Variants in ECD observed in about 807,000 individuals in gnomAD.
ECD encodes the protein ecdysoneless cell cycle regulator, also known as protein ecdysoneless homolog.
ECD carries 59 observed loss-of-function variants against 77.2 expected under a neutral mutation model. That is an observed-to-expected ratio of 0.76 (90% confidence interval 0.62 to 0.95). The LOEUF (loss-of-function observed/expected upper bound fraction) is 0.95. Ranked by LOEUF, ECD falls within the 40% of genes least tolerant of loss-of-function variation. ECD has a pLI of 0.00. For missense variants in ECD, 704 were observed against 763.4 expected, an observed-to-expected ratio of 0.92 and a Z score of 0.92; for synonymous variants, 233 against 267.4, an observed-to-expected ratio of 0.87 and a Z score of 1.26.
intron 7 of ECD, 44 bp downstream of exon 7, chr10:73,152,249 A>G (rs766482900): frequency 1.3e-6 from 2 of 1,599,708 alleles, no homozygotes; most frequent in Admixed American, 3.4e-5. Flanking sequence ...TTAAGAGTCC[A>G]TTTACATAAA....
At chr10:73,150,789 C>G (rs1353489926) in intron 7 of ECD, among the ~76,000 whole-genome samples, 3 of 152,130 alleles carry the variant, frequency 2.0e-5, no homozygotes, top group East Asian at 1.9e-4. Context: ...CATCATCACT[C>G]GCCATCAGAG....
intron 7 of ECD, among the ~76,000 whole-genome samples, chr10:73,148,819 C>A (rs1254965237): frequency 2.0e-5 from 3 of 152,186 alleles, no homozygotes; most frequent in Non-Finnish European, 4.4e-5. Flanking sequence ...TTTTAAAAGT[C>A]CTTTGATTAA....
In ECD at chr10:73,156,154, CAAAG is replaced by C. The variant is rs1843292329; in HGVS notation, c.590+117_590+120del. ...ATCTAGGTGAAAGGTATTTTATAGT[CAAAG>C]AAAGACTGATCAACTCCAACAGAGC... On this transcript the variant is annotated intron_variant, in intron 5 of 13. Transcript: ENST00000372979. 8 of 830,246 alleles carry C rather than the reference CAAAG, an allele frequency of 9.6e-6. No individual in the cohort carries two copies. The South Asian group carries it at 1.1e-4, about 11-fold the overall frequency. 51.4% of individuals were successfully genotyped at this position (830,246 alleles called of 1,614,324 possible).
Position 73,163,767 on chromosome 10 carries a change from A to T in ECD, c.171T>A (p.Asn57Lys). ...GTTTATATTTAAGATTGAAAGGCTGATTCTGCCAGATGTAGGGGACCAGCA... is the reference window on the plus strand; with the variant it reads ...GTTTATATTTAAGATTGAAAGGCTGTTTCTGCCAGATGTAGGGGACCAGCA... ...APMLVPYIWQ[N>K]QPFNLKYKPG... is the part of the protein sequence containing the mutation. The change falls in exon 2 of 14, where the codon AAT becomes AAA. Residue 57 changes from asparagine to lysine, a missense_variant. By Grantham distance (94) the Asn-to-Lys change is moderately conservative. Coordinates refer to ENST00000372979, the MANE Select transcript of ECD (RefSeq NM_007265.3). 1 of 1,614,132 alleles carries T rather than the reference A, an allele frequency of 6.2e-7. No homozygotes were observed. Among genetic ancestry groups the T allele is most frequent in the Non-Finnish European group, 8.5e-7 (1 of 1,180,004 alleles).
At chr10:73,159,941 T>C (rs1161374629) in intron 3 of ECD, among the ~76,000 whole-genome samples, 1 of 150,650 alleles carries the variant, frequency 6.6e-6, no homozygotes. Flanking sequence ...CGCCTGGCCG[T>C]GTACTTTAAT....
chr10:73,153,952 T>C (rs1843257487), intron 6 of ECD, among the ~76,000 whole-genome samples: 1 of 152,110 alleles, frequency 6.6e-6, no homozygotes, highest in African/African-American at 2.4e-5. Flanking sequence ...AACGATATGC[T>C]CAAAGTTTTG....
chr10:73,138,564 T>G (rs900087670), intron 11 of ECD, among the ~76,000 whole-genome samples: 2 of 152,040 alleles, frequency 1.3e-5, no homozygotes, highest in Admixed American at 1.3e-4. Context: ...GTAACAGTTT[T>G]TTTTGTTTTG....
chr10:73,139,432 T>A lies in ECD; in HGVS notation c.1298A>T (p.Lys433Ile). 6.2e-7 allele frequency: 1 copy of A among 1,614,198 alleles called. No individual in the cohort carries two copies. Among genetic ancestry groups the A allele is most frequent in the Non-Finnish European group, 8.5e-7 (1 of 1,180,042 alleles). The change falls in exon 11 of 14, where the codon AAA (lysine) becomes ATA (isoleucine). Residue 433 changes from lysine (K) to isoleucine (I), a missense_variant. Coordinates refer to ENST00000372979, the MANE Select transcript of ECD (RefSeq NM_007265.3). The part of the protein sequence containing the change: ...LDQLLQEAVG[K>I]KESESVSKEE... Reference sequence around the variant, plus strand: ...CTTGGAAACAGACTCGGATTCTTTTTTGCCAACAGCTTCCTGCAGCAGCTG... The same window carrying A: ...CTTGGAAACAGACTCGGATTCTTTTATGCCAACAGCTTCCTGCAGCAGCTG...
intron 7 of ECD, among the ~76,000 whole-genome samples, 177 bp from the exon 8 acceptor site, chr10:73,148,581 T>C (rs1401442252): frequency 1.3e-5 from 2 of 152,212 alleles, no homozygotes; most frequent in East Asian, 3.8e-4. Context: ...ATTCCCAAGT[T>C]TCTCAATCAT....
chr10:73,152,217 T>C (rs1488414963), intron 7 of ECD, 76 bp downstream of exon 7: 1 of 1,530,000 alleles, frequency 6.5e-7, no homozygotes, highest in Non-Finnish European at 8.9e-7. Context: ...TTCTGGACTT[T>C]GTATATTGTG....
In ECD at chr10:73,156,264, AT is replaced by A. The variant is rs1416122922; in HGVS notation, c.590+10del. ...TTCCTTAATTAGCAATGAAAGTGAT[AT>A]TTTTCTTACCCTCTGATGCGCCTAT... is the stretch of plus-strand genomic sequence containing the variant. On this transcript the variant is annotated intron_variant, in intron 5 of 13. Coordinates refer to ENST00000372979, the MANE Select transcript of ECD (RefSeq NM_007265.3). The A allele has an allele frequency of 3.9e-6, 6 of 1,550,330 alleles. No individual in the cohort carries two copies. In the East Asian group the frequency reaches 1.4e-4, roughly 35 times the overall value.
chr10:73,139,367 C>T lies in ECD; in HGVS notation c.1363G>A (p.Glu455Lys). 6.2e-7 allele frequency: 1 copy of T among 1,614,156 alleles called. No homozygotes were observed. The change falls in exon 11 of 14, where the codon GAG (glutamate) becomes AAG (lysine). Residue 455 changes from glutamate (E) to lysine (K), a missense_variant. By Grantham distance (56) the Glu-to-Lys change is moderately conservative (BLOSUM62 1). Transcript: ENST00000372979. ...TTGGATATGAAAGCTTTCATGCTCT[C>T]TGAGACTTCAGTTAAGTCATAGTTC... ...EQNYDLTEVSESMKAFISKVS... is the reference protein window; with the variant it reads ...EQNYDLTEVSKSMKAFISKVS...
chr10:73,135,769 A>T (rs1288423107), intron 13 of ECD, among the ~76,000 whole-genome samples: 1 of 151,740 alleles, frequency 6.6e-6, no homozygotes, highest in Non-Finnish European at 1.5e-5. Context: ...ATAATAATAA[A>T]AAAAAGGAAA....
Position 73,163,828 on chromosome 10 carries a change from T to C in ECD, c.110A>G (p.Lys37Arg). 1.2e-6 allele frequency: 2 copies of C among 1,614,192 alleles called. No individual in the cohort carries two copies. Among genetic ancestry groups the C allele is most frequent in the Non-Finnish European group, 1.7e-6 (2 of 1,180,024 alleles). ...DSDKHKEILQ[K>R]YIERIITRFA... ...CCGAGTGATTATTCTCTCAATGTAC[T>C]TCTGAAGAATCTCTTTATGTTTATC... The change falls in exon 2 of 14, where the codon AAG (lysine) becomes AGG (arginine). Residue 37 changes from lysine (K) to arginine (R), a missense_variant. This residue lies in a region of ECD where 559 missense variants were observed against 583.7 expected (regional missense o/e 0.96). Coordinates refer to ENST00000372979, the MANE Select transcript of ECD (RefSeq NM_007265.3).
Position 73,148,300 on chromosome 10 carries a change from A to C in ECD, c.1017T>G (p.Ser339Arg). 1 of 1,613,644 alleles carries C rather than the reference A, an allele frequency of 6.2e-7. No homozygotes were observed. Among genetic ancestry groups the C allele is most frequent in the Non-Finnish European group, 8.5e-7 (1 of 1,179,742 alleles). ...ASPLWASFLE[S>R]LKKNDYFKGL... The stretch of plus-strand genomic sequence containing the variant: ...CCTTAAAGTAATCATTCTTTTTCAG[A>C]CTTTCAAGGAAACTGGCCCAGAGTG... The change falls in exon 8 of 14, where the codon AGT becomes AGG. Residue 339 changes from serine to arginine, a missense_variant. Around this residue, in one of 3 missense-constraint regions of ECD, gnomAD observed 559 missense variants for 583.7 expected, o/e 0.96. Coordinates refer to ENST00000372979, the MANE Select transcript of ECD (RefSeq NM_007265.3).
intron 9 of ECD, among the ~76,000 whole-genome samples, chr10:73,142,988 C>T (rs1447906681): frequency 6.6e-6 from 1 of 152,112 alleles, no homozygotes; most frequent in Non-Finnish European, 1.5e-5. Context: ...ATAGCACTTA[C>T]CACCCCCTAA....
Position 73,156,577 on chromosome 10 carries a change from GC to G in ECD, c.401del (p.Ser134ThrfsTer38). ...FLPKWLDPENSTNRVFFCHGE... is the reference protein window; with the variant it reads ...FLPKWLDPENXTNRVFFCHGE... ...ACTTGGGTATACTTACCCTATTGGT[GC>G]TATTTTCAGGATCCAGCCATTTAGG... On this transcript the variant is annotated frameshift_variant, in exon 4 of 14. Transcript: ENST00000372979. LOFTEE classifies it high-confidence loss of function. 1 of 1,614,104 alleles carries G rather than the reference GC, an allele frequency of 6.2e-7. No individual in the cohort carries two copies. The highest frequency in any genetic ancestry group is 8.5e-7 in the Non-Finnish European group (1 of 1,180,010).
intron 2 of ECD, among the ~76,000 whole-genome samples, chr10:73,162,360 T>C (rs1323283434): frequency 1.3e-5 from 2 of 152,230 alleles, no homozygotes; most frequent in Non-Finnish European, 2.9e-5. Context: ...GAACTGATTA[T>C]GATTTTGAAT....
At chr10:73,157,406 A>G (rs1843310504) in intron 3 of ECD, among the ~76,000 whole-genome samples, 1 of 151,594 alleles carries the variant, frequency 6.6e-6, no homozygotes, top group Non-Finnish European at 1.5e-5. Context: ...ACATGGTTAC[A>G]TTTTTTAAAA....
Sources: gnomAD v4.1 joint callset for allele counts (sites outside exome capture counted in the v4.1 genomes callset) on GRCh38, gnomAD v4.1.1 for gene constraint, gnomAD v4.1.1 regional missense constraint, MANE v1.5 for transcripts, NCBI Gene and HGNC (gene_info 2026-07-23, HGNC 2026-07-21) for gene names.